GEMIN5: variants seen among roughly 807,000 people sequenced by gnomAD.
GEMIN5 encodes the protein gem nuclear organelle associated protein 5, also known as gem-associated protein 5.
In GEMIN5, 124 loss-of-function variants were observed where a neutral mutation model predicts 176.9. That is an observed-to-expected ratio of 0.70 (90% CI 0.61 to 0.81). The LOEUF is 0.81. Among genes scored for constraint, GEMIN5 ranks in the 40% least tolerant of loss-of-function variants. GEMIN5 has a pLI of 0.00. For synonymous variants in GEMIN5, 673 were observed against 665.2 expected, an observed-to-expected ratio of 1.01 and a Z score of -0.18; for missense variants, 1,843 against 1,814.6, an observed-to-expected ratio of 1.02 and a Z score of -0.28.
At position 154,907,856 on chromosome 5, in the gene GEMIN5, A is replaced by G. The variant is rs752501764; in HGVS notation, c.2168-38T>C. The G allele has an allele frequency of 2.5e-5, 37 of 1,494,038 alleles. 1 individual carries two copies. In the South Asian group the frequency reaches 4.2e-4, roughly 17 times the overall value. The allele number at this position is 1,494,038 out of a possible 1,614,324, so 92.5% of individuals were successfully genotyped here. Reference sequence around the variant, plus strand: ...CAATAAAGGACTGACTAAAGTATACATTCTTGGTTAAAAGCACTCTAGGTG... The same window carrying G: ...CAATAAAGGACTGACTAAAGTATACGTTCTTGGTTAAAAGCACTCTAGGTG... On this transcript the variant is annotated intron_variant, in intron 15 of 27. Transcript: ENST00000285873.
intron 24 of GEMIN5, among the ~76,000 whole-genome samples, chr5:154,895,674 TATTAC>T (rs61038340): frequency 0.83 from 126,149 of 151,670 alleles, 53,162 homozygotes; most frequent in Non-Finnish European, 0.91. Flanking sequence ...GTTGATGGGT[TATTAC>T]ATTATTCTGC....
intron 3 of GEMIN5, among the ~76,000 whole-genome samples, chr5:154,933,768 C>CG (rs1764211337): frequency 6.6e-6 from 1 of 152,054 alleles, no homozygotes; most frequent in African/African-American, 2.4e-5. Flanking sequence ...GCAACCTAAT[C>CG]ACCAACAGAT....
In GEMIN5 at chr5:154,898,663, TA is replaced by T; in HGVS notation, c.3135-14del. ...GGCCCCTAAATAGCTATAATATGAA[TA>T]AAAATGTGAAGAAAATGTCACAAAC... is the stretch of plus-strand genomic sequence containing the variant. On this transcript the variant is annotated splice_polypyrimidine_tract_variant and intron_variant, in intron 22 of 27. Coordinates refer to ENST00000285873, the MANE Select transcript of GEMIN5 (RefSeq NM_015465.5). The T allele has an allele frequency of 7.8e-7, 1 of 1,285,604 alleles. No individual in the cohort carries two copies. Among genetic ancestry groups the T allele is most frequent in the Non-Finnish European group, 1.1e-6 (1 of 880,918 alleles). 79.6% of individuals were successfully genotyped at this position (1,285,604 alleles called of 1,614,324 possible). A position where few individuals can be genotyped will look rare whatever the true frequency, so the allele number is the denominator to read the frequency against.
At chr5:154,935,733 T>A (rs1764253473) in intron 3 of GEMIN5, 108 bp downstream of exon 3, 2 of 743,256 alleles carry the variant, frequency 2.7e-6, no homozygotes, top group Admixed American at 2.4e-5. Flanking sequence ...GTGGTTAACA[T>A]CTGTAGATGG....
chr5:154,919,937 A>C, intron 11 of GEMIN5, 30 bp downstream of exon 11: 1 of 1,600,880 alleles, frequency 6.2e-7, no homozygotes, highest in Non-Finnish European at 8.5e-7. Flanking sequence ...TGATGTAAAA[A>C]GAAAATACTT....
chr5:154,913,060 T>TCAC (rs1229464612), intron 13 of GEMIN5, 22 bp from the exon 14 acceptor site: 2 of 1,586,252 alleles, frequency 1.3e-6, no homozygotes, highest in East Asian at 4.5e-5. Context: ...AGGAAAGACA[T>TCAC]CACTGCTGCT....
At chr5:154,907,231 T>G (rs1216936378) in intron 16 of GEMIN5, among the ~76,000 whole-genome samples, 3 of 152,186 alleles carry the variant, frequency 2.0e-5, no homozygotes, top group African/African-American at 7.2e-5. Context: ...TAAGGGACAG[T>G]AGTTTCTTTC....
At chr5:154,912,263 A>G (rs1763718074) in intron 14 of GEMIN5, among the ~76,000 whole-genome samples, 1 of 152,242 alleles carries the variant, frequency 6.6e-6, no homozygotes, top group South Asian at 2.1e-4. Context: ...CTAATTTCTC[A>G]TAGGTGAATC....
chr5:154,912,838 G>T (rs1763730744), intron 14 of GEMIN5, 61 bp downstream of exon 14: 2 of 1,423,720 alleles, frequency 1.4e-6, no homozygotes, highest in Admixed American at 2.0e-5. Flanking sequence ...TGGGGGAAAA[G>T]AAGAAAGAAT....
At chr5:154,919,192 A>C (rs1304992402) in intron 11 of GEMIN5, among the ~76,000 whole-genome samples, 1 of 152,162 alleles carries the variant, frequency 6.6e-6, no homozygotes. Context: ...TTAGCTGGGC[A>C]TGGTGGCCCA....
At chr5:154,932,339 G>A (rs750715897) in intron 3 of GEMIN5, 89 bp from the exon 4 acceptor site, 14 of 892,074 alleles carry the variant, frequency 1.6e-5, no homozygotes, top group South Asian at 6.6e-5. Context: ...TACCATTGGC[G>A]CATTCCTTAA....
chr5:154,911,254 C>A (rs1181166068), intron 15 of GEMIN5, among the ~76,000 whole-genome samples: 1 of 152,060 alleles, frequency 6.6e-6, no homozygotes, highest in Admixed American at 6.6e-5. Flanking sequence ...TGGCTCATGC[C>A]TGTAATCCTA....
chr5:154,927,853 T>C (rs773780336), intron 6 of GEMIN5, among the ~76,000 whole-genome samples: 17 of 151,772 alleles, frequency 1.1e-4, no homozygotes, highest in Admixed American at 6.0e-4. Context: ...TAGTTGGGCA[T>C]GGTGGTGCAC....
intron 3 of GEMIN5, 117 bp downstream of exon 3, chr5:154,935,724 T>G: frequency 1.5e-6 from 1 of 662,850 alleles, no homozygotes; most frequent in Non-Finnish European, 2.6e-6. Flanking sequence ...TCAGGGGGAG[T>G]GGTTAACATC....
In GEMIN5 at chr5:154,938,098, G is replaced by C; in HGVS notation, c.36C>G (p.Pro12=). 1.4e-6 allele frequency: 2 copies of C among 1,439,570 alleles called. No homozygotes were observed. Among genetic ancestry groups the C allele is most frequent in the Non-Finnish European group, 9.1e-7 (1 of 1,095,146 alleles). The allele number at this position is 1,439,570 out of a possible 1,614,324, so 89.2% of individuals were successfully genotyped here. ...CGCTGCAGCGGGCGCAGTACCAGTT[G>C]GGGGAGGGCGGCAGCGTCCGCGGCT... ...GQEPRTLPPS[P]NWYCARCSDA... The change falls in exon 1 of 28, where the codon CCC becomes CCG. Residue 12 remains proline (P), a synonymous_variant. Coordinates refer to ENST00000285873, the MANE Select transcript of GEMIN5 (RefSeq NM_015465.5).
At chr5:154,916,742 G>A (rs1368200005) in intron 13 of GEMIN5, among the ~76,000 whole-genome samples, 36 of 152,126 alleles carry the variant, frequency 2.4e-4, no homozygotes, top group Middle Eastern at 3.4e-3. Flanking sequence ...TAATCTTCTC[G>A]TTGTGGCCTC....
chr5:154,896,619 A>C (rs1763357802), intron 23 of GEMIN5, among the ~76,000 whole-genome samples: 1 of 152,212 alleles, frequency 6.6e-6, no homozygotes, highest in African/African-American at 2.4e-5. Flanking sequence ...ACCCACAATG[A>C]TTTAAGCCAC....
In GEMIN5 at chr5:154,927,477, C is replaced by T; in HGVS notation, c.988G>A (p.Gly330Arg). The change falls in exon 7 of 28, where the codon GGG becomes AGG. Residue 330 changes from glycine (G) to arginine (R), a missense_variant. Gly to Arg is a moderately radical substitution (Grantham distance 125). Transcript: ENST00000285873. ...AACACAATTCTTGAATGATTTTGCCCTTCTGATGAGGCACTGAAGAGGGTG... is the reference window on the plus strand; with the variant it reads ...AACACAATTCTTGAATGATTTTGCCTTTCTGATGAGGCACTGAAGAGGGTG... Reference protein sequence around the residue: ...KYTLFSASSEGQNHSRIVFNL... With the variant: ...KYTLFSASSERQNHSRIVFNL... 1 of 1,609,630 alleles carries T rather than the reference C, an allele frequency of 6.2e-7. No individual in the cohort carries two copies. Among genetic ancestry groups the T allele is most frequent in the East Asian group, 2.2e-5 (1 of 44,850 alleles).
Position 154,938,203 on chromosome 5 carries a change from G to A in GEMIN5, c.-70C>T, listed in dbSNP as rs576944228. 1.1e-5 allele frequency: 14 copies of A among 1,235,892 alleles called. No individual in the cohort carries two copies. In the East Asian group the frequency reaches 3.4e-4, roughly 30 times the overall value. The allele number at this position is 1,235,892 out of a possible 1,614,324, so 76.6% of individuals were successfully genotyped here. A position where few individuals can be genotyped will look rare whatever the true frequency, so the allele number is the denominator to read the frequency against. On this transcript the variant is annotated 5_prime_UTR_variant, in exon 1 of 28. Coordinates refer to ENST00000285873, the MANE Select transcript of GEMIN5 (RefSeq NM_015465.5). ...CTCGTAGCCTCACGCCTTAGGTAGG[G>A]AGCGGGGCGGGGTGAACTCCGAGCC... is the stretch of plus-strand genomic sequence containing the variant.
Sources: gnomAD v4.1 joint callset for allele counts (sites outside exome capture counted in the v4.1 genomes callset) on GRCh38, gnomAD v4.1.1 for gene constraint, MANE v1.5 for transcripts, NCBI Gene and HGNC (gene_info 2026-07-23, HGNC 2026-07-21) for gene names.